The following IFT56 variants were observed in gnomAD, a reference collection of about 807,000 sequenced individuals.
IFT56 encodes the protein intraflagellar transport 56.
At chr7:139,181,837 T>G in the IFT56 span, among the ~76,000 whole-genome samples, 1 of 152,184 alleles carries the variant, frequency 6.6e-6, no homozygotes, top group Non-Finnish European at 1.5e-5. Flanking sequence ...AAATATAATA[T>G]TATGATCTTA....
chr7:139,188,558 T>G, the IFT56 span, among the ~76,000 whole-genome samples: 2 of 152,238 alleles, frequency 1.3e-5, no homozygotes, highest in Non-Finnish European at 2.9e-5. Flanking sequence ...ATAGTACTTC[T>G]AGTTCTAAGT....
chr7:139,143,529 A>G, the IFT56 span, among the ~76,000 whole-genome samples: 1 of 151,618 alleles, frequency 6.6e-6, no homozygotes, highest in Non-Finnish European at 1.5e-5. Context: ...TATATCTCTC[A>G]TCTATCCTTT....
chr7:139,189,548 C>A, the IFT56 span: 1 of 711,834 alleles, frequency 1.4e-6, no homozygotes, highest in Non-Finnish European at 2.4e-6. Context: ...TCCTTCCTTG[C>A]TCTTTAAGCC....
chr7:139,137,877 G>T, the IFT56 span: 4 of 1,613,416 alleles, frequency 2.5e-6, no homozygotes, highest in African/African-American at 5.3e-5. Context: ...AGAAGAAGAG[G>T]ATACTAATTT....
At chr7:139,136,326 C>T in the IFT56 span, among the ~76,000 whole-genome samples, 12 of 152,106 alleles carry the variant, frequency 7.9e-5, no homozygotes, top group Non-Finnish European at 1.8e-4. Context: ...CATGGAAGAA[C>T]CTTCTAGTTC....
At chr7:139,190,846 G>A in the IFT56 span, 28 of 152,278 alleles carry the variant, frequency 1.8e-4, no homozygotes, top group African/African-American at 6.5e-4. Context: ...TAGTGTTACA[G>A]GTCTAGAAAG....
At chr7:139,173,126 A>G in the IFT56 span, 3 of 679,734 alleles carry the variant, frequency 4.4e-6, no homozygotes, top group African/African-American at 3.6e-5. Flanking sequence ...TGTGGCATGG[A>G]TGGATTCAAC....
the IFT56 span, chr7:139,142,265 G>A: frequency 4.3e-5 from 69 of 1,613,930 alleles, 1 homozygote; most frequent in Middle Eastern, 8.6e-3. Context: ...GCTTCAAAAA[G>A]CCGACTCCAA....
chr7:139,177,817 T>C, the IFT56 span, among the ~76,000 whole-genome samples: 1 of 152,238 alleles, frequency 6.6e-6, no homozygotes, highest in South Asian at 2.1e-4. Flanking sequence ...GATGGTTCCA[T>C]GGCAAATTAT....
the IFT56 span, chr7:139,137,709 G>A: frequency 5.0e-6 from 3 of 604,726 alleles, no homozygotes; most frequent in African/African-American, 1.9e-5. Flanking sequence ...GTAGGTATAG[G>A]TTTAATTAAA....
the IFT56 span, chr7:139,178,330 T>C: frequency 2.0e-5 from 31 of 1,573,952 alleles, no homozygotes; most frequent in Admixed American, 8.5e-5. Context: ...TATAAGACTT[T>C]ATATACAAAA....
chr7:139,191,361 T>C, the IFT56 span: 1 of 152,222 alleles, frequency 6.6e-6, no homozygotes, highest in Admixed American at 6.5e-5. Flanking sequence ...AGAATCACTC[T>C]TGTAATTCTT....
the IFT56 span, chr7:139,142,386 A>C: frequency 8.4e-7 from 1 of 1,193,834 alleles, no homozygotes; most frequent in Non-Finnish European, 1.2e-6. Context: ...CACTAGTGAG[A>C]GATATTTAAT....
At chr7:139,183,857 GTAA>G in the IFT56 span, among the ~76,000 whole-genome samples, 4 of 152,158 alleles carry the variant, frequency 2.6e-5, no homozygotes, top group Non-Finnish European at 5.9e-5. Flanking sequence ...AGCTTTATTT[GTAA>G]TAGCCTAAAA....
chr7:139,136,162 T>C, the IFT56 span, among the ~76,000 whole-genome samples: 1 of 152,042 alleles, frequency 6.6e-6, no homozygotes, highest in African/African-American at 2.4e-5. Flanking sequence ...TGGCCTCAGG[T>C]GATCCACCTG....
At chr7:139,135,065 G>A in the IFT56 span, among the ~76,000 whole-genome samples, 1 of 152,136 alleles carries the variant, frequency 6.6e-6, no homozygotes, top group Non-Finnish European at 1.5e-5. Flanking sequence ...CAGATCACAA[G>A]GTCAAGAGAT....
chr7:139,177,920 A>G, the IFT56 span, among the ~76,000 whole-genome samples: 5 of 152,124 alleles, frequency 3.3e-5, no homozygotes, highest in Admixed American at 3.3e-4. Context: ...GTTGGATGAG[A>G]GCATCAAAGC....
the IFT56 span, among the ~76,000 whole-genome samples, chr7:139,161,998 G>T: frequency 1.3e-5 from 2 of 152,168 alleles, no homozygotes; most frequent in Non-Finnish European, 2.9e-5. Context: ...AGGAGTTATT[G>T]TAAGAGTCTT....
chr7:139,168,834 A>G, the IFT56 span, among the ~76,000 whole-genome samples: 13 of 152,266 alleles, frequency 8.5e-5, no homozygotes, highest in Non-Finnish European at 1.0e-4. Flanking sequence ...CCATCTTAAT[A>G]CAGCGTTCTT....
Sources: allele counts gnomAD v4.1 joint callset (sites outside exome capture counted in the v4.1 genomes callset), GRCh38; gene constraint gnomAD v4.1.1; transcripts MANE v1.5; gene names NCBI Gene and HGNC (gene_info 2026-07-23, HGNC 2026-07-21).